The following MYH10 variants were observed in gnomAD, a reference collection of about 807,000 sequenced individuals.
MYH10 encodes the protein myosin-10.
MYH10 carries 55 observed loss-of-function variants against 257.8 expected under a neutral mutation model. The ratio of observed to expected loss-of-function variants is 0.21; its 90% CI spans 0.17 to 0.27. MYH10 has a LOEUF of 0.27. MYH10 is among the 10% of genes least tolerant of loss of function. The pLI, the probability that MYH10 is intolerant of heterozygous loss-of-function variation, is 1.00. For synonymous variants in MYH10, 854 were observed against 921.7 expected, an observed-to-expected ratio of 0.93 and a Z score of 1.33; for missense variants, 1,631 against 2,500.6, an observed-to-expected ratio of 0.65 and a Z score of 7.42.
chr17:8,506,171 TG>T lies in MYH10; in HGVS notation c.3386+146del. ...TGTCCTGACACAAATTCTGTACGCC[TG>T]GGCTTTTCACTTTCTCAGGTCACAC... On this transcript the variant is annotated intron_variant, in intron 27 of 42. Coordinates refer to ENST00000360416, the MANE Select transcript of MYH10 (RefSeq NM_001256012.3). This position sits in a 1 kb window ranked among gnomAD's most constrained non-coding sequence, Gnocchi z 5.0. The T allele has an allele frequency of 1.4e-6, 1 of 715,508 alleles. No homozygotes were observed. Among genetic ancestry groups the T allele is most frequent in the Non-Finnish European group, 2.2e-6 (1 of 459,754 alleles). 44.3% of individuals were successfully genotyped at this position (715,508 alleles called of 1,614,324 possible).
chr17:8,612,811 T>C (rs992842483), intron 2 of MYH10, among the ~76,000 whole-genome samples: 1 of 151,780 alleles, frequency 6.6e-6, no homozygotes, highest in Non-Finnish European at 1.5e-5. Flanking sequence ...GATTGCACCG[T>C]TGCACTCCAG....
At chr17:8,621,407 G>A (rs780517752) in intron 2 of MYH10, among the ~76,000 whole-genome samples, 5 of 151,530 alleles carry the variant, frequency 3.3e-5, no homozygotes, top group Non-Finnish European at 5.9e-5. Context: ...CTCCAAAGAC[G>A]GCCACTGAAT....
chr17:8,614,854 G>A (rs1156821065), intron 2 of MYH10, among the ~76,000 whole-genome samples: 1 of 152,052 alleles, frequency 6.6e-6, no homozygotes, highest in Non-Finnish European at 1.5e-5. Flanking sequence ...TTAAAAAAGG[G>A]TAATACAAAT....
chr17:8,598,125 T>G (rs443294), intron 3 of MYH10, among the ~76,000 whole-genome samples: 147,761 of 152,226 alleles, frequency 0.97, 71,880 homozygotes, highest in Middle Eastern at 1. Flanking sequence ...GGGACTACAG[T>G]CGCATGCCAC....
intron 16 of MYH10, among the ~76,000 whole-genome samples, chr17:8,532,052 C>A (rs746040629): frequency 6.6e-6 from 1 of 152,184 alleles, no homozygotes; most frequent in Non-Finnish European, 1.5e-5. Context: ...AACAGTGCCT[C>A]CCAACAGTGA....
At chr17:8,614,575 C>T (rs1411488651) in intron 2 of MYH10, among the ~76,000 whole-genome samples, 1 of 151,982 alleles carries the variant, frequency 6.6e-6, no homozygotes, top group Non-Finnish European at 1.5e-5. Flanking sequence ...CTTGGGCCTC[C>T]CAAAGTGTTA....
At chr17:8,537,256 A>G (rs2082167660) in intron 14 of MYH10, among the ~76,000 whole-genome samples, 1 of 152,240 alleles carries the variant, frequency 6.6e-6, no homozygotes, top group Admixed American at 6.5e-5. Context: ...CAGCTGTTTG[A>G]GTAAGACTCT....
chr17:8,514,104 CCTGG>C (rs1162028184), intron 21 of MYH10, among the ~76,000 whole-genome samples: 1 of 152,196 alleles, frequency 6.6e-6, no homozygotes, highest in Non-Finnish European at 1.5e-5. Flanking sequence ...ACCTCAGGCC[CCTGG>C]CACCAGTTCC....
In MYH10 at chr17:8,552,212, G is replaced by T; in HGVS notation, c.821-68C>A. 2 of 733,894 alleles carry T rather than the reference G, an allele frequency of 2.7e-6. No individual in the cohort carries two copies. The highest frequency in any genetic ancestry group is 4.1e-6 in the Non-Finnish European group (2 of 490,218). The allele number at this position is 733,894 out of a possible 1,614,324, so 45.5% of individuals were successfully genotyped here. A position where few individuals can be genotyped will look rare whatever the true frequency, so the allele number is the denominator to read the frequency against. ...TTAAATAAATAAAGGCCCTCTTTCA[G>T]CGTCTGTAAATTTAAATCATAAAAC... On this transcript the variant is annotated intron_variant, in intron 8 of 42. Transcript: ENST00000360416. The surrounding 1 kb of genome is among the most constrained non-coding windows in gnomAD (Gnocchi z 4.8).
chr17:8,487,736 GTTACTATCAACAGA>G, intron 35 of MYH10, 142 bp from the exon 36 acceptor site: 1 of 962,686 alleles, frequency 1.0e-6, no homozygotes. Context: ...TTACCAAACA[GTTACTATCAACAGA>G]AAACCACAGT....
intron 7 of MYH10, among the ~76,000 whole-genome samples, chr17:8,566,417 G>A (rs1471753436): frequency 6.6e-6 from 1 of 152,092 alleles, no homozygotes; most frequent in African/African-American, 2.4e-5. Flanking sequence ...TCTTTCTCTT[G>A]GATCACTTGC....
intron 36 of MYH10, among the ~76,000 whole-genome samples, 174 bp downstream of exon 36, chr17:8,487,259 A>G (rs1914981966): frequency 6.6e-6 from 1 of 152,184 alleles, no homozygotes; most frequent in African/African-American, 2.4e-5. Context: ...AAGTGCATTC[A>G]AGTATCTCCT....
intron 3 of MYH10, among the ~76,000 whole-genome samples, chr17:8,591,063 G>T (rs571432225): frequency 1.2e-3 from 189 of 151,762 alleles, no homozygotes; most frequent in Non-Finnish European, 2.1e-3. Flanking sequence ...TAGTAGAGAC[G>T]GGGTTTCACC....
intron 2 of MYH10, among the ~76,000 whole-genome samples, chr17:8,612,621 A>AGG (rs916772326): frequency 6.6e-6 from 1 of 152,200 alleles, no homozygotes; most frequent in African/African-American, 2.4e-5. Context: ...GAGGCCAAGG[A>AGG]GGGGGCAGAT....
At position 8,546,611 on chromosome 17, in the gene MYH10, C is replaced by T. The variant is rs758026785; in HGVS notation, c.1211G>A (p.Arg404Gln). ...CTTGATCCGGGGAGTCAGGATGGCC[C>T]GAGTAAACTCCATCACATTCATCCC... ...LLGMNVMEFTRAILTPRIKVG... is the reference protein window; with the variant it reads ...LLGMNVMEFTQAILTPRIKVG... The change falls in exon 12 of 43, where the codon CGG (arginine) becomes CAG (glutamine). Residue 404 changes from arginine to glutamine, a missense_variant. This residue lies in a region of MYH10 where 360 missense variants were observed against 581.9 expected (regional missense o/e 0.62). Transcript: ENST00000360416. 2 of 1,614,000 alleles carry T rather than the reference C, an allele frequency of 1.2e-6. No homozygotes were observed. The highest frequency in any genetic ancestry group is 1.7e-6 in the Non-Finnish European group (2 of 1,179,984).
intron 31 of MYH10, 80 bp from the exon 32 acceptor site, chr17:8,493,965 C>T (rs1292868665): frequency 3.3e-5 from 48 of 1,472,300 alleles, no homozygotes; most frequent in East Asian, 2.3e-5. Context: ...GAATTCATGT[C>T]GTACAAAAGA....
Position 8,487,499 on chromosome 17 carries a change from G to C in MYH10, c.4980C>G (p.Leu1660=). The change falls in exon 36 of 43, where the codon CTC becomes CTG. Residue 1660 remains leucine, a synonymous_variant. Coordinates refer to ENST00000360416, the MANE Select transcript of MYH10 (RefSeq NM_001256012.3). ...TGTTCGCAGCCTCGATTTGGGCTTC[G>C]AGGTCCTTCAGGTCTATCTCCATCT... ...KKKMEIDLKD[L]EAQIEAANKA... is the part of the protein sequence containing the mutation. The C allele has an allele frequency of 1.2e-6, 2 of 1,614,178 alleles. No individual in the cohort carries two copies. The highest frequency in any genetic ancestry group is 1.7e-6 in the Non-Finnish European group (2 of 1,180,034).
In MYH10 at chr17:8,553,800, T is replaced by C. The variant is rs778559563; in HGVS notation, c.820+155A>G. The C allele has an allele frequency of 3.8e-4, 223 of 592,974 alleles. 1 individual carries two copies. Among genetic ancestry groups the C allele is most frequent in the South Asian group, 1.6e-3 (81 of 49,384 alleles). The allele number at this position is 592,974 out of a possible 1,614,324, so 36.7% of individuals were successfully genotyped here. On this transcript the variant is annotated intron_variant, in intron 8 of 42. Transcript: ENST00000360416. ...ACAACAAAACAACTTGGAGTTAATATTCACTAGTCGAAAGTATTTGAACAA... is the reference window on the plus strand; with the variant it reads ...ACAACAAAACAACTTGGAGTTAATACTCACTAGTCGAAAGTATTTGAACAA...
intron 2 of MYH10, among the ~76,000 whole-genome samples, chr17:8,619,082 A>G (rs1006420459): frequency 2.0e-5 from 3 of 152,224 alleles, no homozygotes; most frequent in African/African-American, 4.8e-5. Context: ...AACTACCCAC[A>G]TGCTCGTCCT....
Sources: gnomAD v4.1 joint callset for allele counts (sites outside exome capture counted in the v4.1 genomes callset) on GRCh38, gnomAD v4.1.1 for gene constraint, gnomAD v4.1.1 regional missense constraint, Gnocchi (gnomAD v3.1) non-coding constraint, MANE v1.5 for transcripts, NCBI Gene and HGNC (gene_info 2026-07-23, HGNC 2026-07-21) for gene names.